FRY: variants seen among roughly 807,000 people sequenced by gnomAD.
FRY encodes the protein FRY microtubule binding protein, also known as protein furry homolog.
FRY carries 128 observed loss-of-function variants against 348.4 expected under a neutral mutation model. The ratio of observed to expected loss-of-function variants is 0.37; its 90% confidence interval spans 0.32 to 0.43. FRY has a LOEUF of 0.43. Ranked by LOEUF, FRY falls within the 20% of genes least tolerant of loss-of-function variation. The pLI, the probability that FRY is intolerant of heterozygous loss-of-function variation, is 1.00. For synonymous variants in FRY, 1,370 were observed against 1,374.7 expected (o/e 1.00, Z 0.08); for missense variants, 2,736 against 3,695.2 (o/e 0.74, Z 6.73).
chr13:32,092,474 GC>G (rs1430156362), intron 2 of FRY, among the ~76,000 whole-genome samples: 5 of 152,170 alleles, frequency 3.3e-5, no homozygotes, highest in Non-Finnish European at 2.9e-5. Flanking sequence ...AAGGTAGAGG[GC>G]GATGGCTTTC....
At chr13:32,206,779 TAGG>T (rs1884377002) in intron 31 of FRY, among the ~76,000 whole-genome samples, 2 of 152,182 alleles carry the variant, frequency 1.3e-5, no homozygotes, top group African/African-American at 4.8e-5. Context: ...ACAGAAAAAT[TAGG>T]AGGTTATAAT....
chr13:32,091,753 T>G (rs1319712491), intron 2 of FRY, among the ~76,000 whole-genome samples: 1 of 152,196 alleles, frequency 6.6e-6, no homozygotes, highest in Non-Finnish European at 1.5e-5. Flanking sequence ...AGACCAGACA[T>G]TTATATTATA....
chr13:32,173,436 G>T lies in FRY; in HGVS notation c.2221G>T (p.Val741Leu). ...TCCCCACTGCAGTGTACTCCACGCT[G>T]TAGAAGGTTTTGCTCTGGTTTTACT... ...RGPHCSVLHA[V>L]EGFALVLLCS... Residue 741 changes from valine (V) to leucine (L), a missense_variant, in exon 19 of 61, where the codon GTA becomes TTA. Physicochemically the swap from Val to Leu is conservative, Grantham distance 32. Transcript: ENST00000542859. 6.2e-7 allele frequency: 1 copy of T among 1,612,822 alleles called. No individual in the cohort carries two copies. Among genetic ancestry groups the T allele is most frequent in the South Asian group, 1.1e-5 (1 of 91,026 alleles).
intron 29 of FRY, among the ~76,000 whole-genome samples, chr13:32,199,745 G>A (rs1440007533): frequency 6.6e-6 from 1 of 152,196 alleles, no homozygotes; most frequent in Non-Finnish European, 1.5e-5. Flanking sequence ...ATTAATATTT[G>A]AGTAATGTTA....
rs181233860 is a variant in FRY at position 32,076,514 on chromosome 13, A to T, written c.71-2320A>T. Among the ~76,000 whole-genome samples the T allele has an allele frequency of 2.4e-3, 366 of 152,206 alleles. 2 individuals are homozygous for T. Among genetic ancestry groups the T allele is most frequent in the Non-Finnish European group, 2.6e-3 (176 of 67,994 alleles). On this transcript the variant is annotated intron_variant, in intron 1 of 60. Transcript: ENST00000542859. ...GCCAGGACCTCATTTTCATCACTTG[A>T]TTTTCAATATGCCCCTTTGGAATAA... is the stretch of plus-strand genomic sequence containing the variant.
At chr13:32,076,839 C>G (rs550805262) in intron 1 of FRY, among the ~76,000 whole-genome samples, 1 of 151,992 alleles carries the variant, frequency 6.6e-6, no homozygotes, top group Non-Finnish European at 1.5e-5. Flanking sequence ...ATTACAGGGC[C>G]GACCCTAGAC....
intron 1 of FRY, among the ~76,000 whole-genome samples, chr13:32,039,485 C>G (rs973092153): frequency 3.5e-5 from 3 of 86,046 alleles, no homozygotes; most frequent in African/African-American, 9.3e-5. Context: ...CTCTGTCTCT[C>G]TCCCACCTCC....
chr13:32,202,169 A>T (rs2762035), intron 30 of FRY, 129 bp downstream of exon 30: 5 of 807,434 alleles, frequency 6.2e-6, no homozygotes, highest in Non-Finnish European at 1.1e-5. Flanking sequence ...GTGGCTATGA[A>T]GAGTGAGAAA....
At chr13:32,063,138 A>T (rs1327518466) in intron 1 of FRY, among the ~76,000 whole-genome samples, 1 of 152,140 alleles carries the variant, frequency 6.6e-6, no homozygotes, top group East Asian at 1.9e-4. Context: ...GAACAGCTAT[A>T]ACTTTAATTT....
chr13:32,076,538 A>G (rs1474196077), intron 1 of FRY, among the ~76,000 whole-genome samples: 1 of 152,202 alleles, frequency 6.6e-6, no homozygotes, highest in Non-Finnish European at 1.5e-5. Flanking sequence ...CCTTTGGAAT[A>G]AATAGTGCCT....
chr13:32,171,357 G>A, intron 18 of FRY, 87 bp downstream of exon 18: 2 of 1,213,376 alleles, frequency 1.6e-6, no homozygotes, highest in Non-Finnish European at 2.2e-6. Flanking sequence ...TGTTGCCCAG[G>A]CTGGAGTGCA....
At chr13:32,210,034 A>G (rs535949861) in intron 33 of FRY, among the ~76,000 whole-genome samples, 1 of 152,306 alleles carries the variant, frequency 6.6e-6, no homozygotes, top group South Asian at 2.1e-4. Flanking sequence ...TAAACATTGG[A>G]CCTACTATGT....
chr13:32,076,911 G>A (rs1875107348), intron 1 of FRY, among the ~76,000 whole-genome samples: 1 of 152,122 alleles, frequency 6.6e-6, no homozygotes. Context: ...GCCTTTCATA[G>A]GTAATGTAGG....
intron 3 of FRY, among the ~76,000 whole-genome samples, chr13:32,110,177 T>C (rs2138666558): frequency 6.6e-6 from 1 of 152,312 alleles, no homozygotes; most frequent in East Asian, 1.9e-4. Context: ...AGCTAAGTTA[T>C]AGTGGCTGAT....
chr13:32,179,133 G>A (rs551605974), intron 22 of FRY, 100 bp downstream of exon 22: 445 of 836,914 alleles, frequency 5.3e-4, no homozygotes, highest in Non-Finnish European at 5.8e-4. Context: ...GCCATCTGGA[G>A]TATTATGGGA....
chr13:32,223,768 G>A (rs183733486), intron 36 of FRY, among the ~76,000 whole-genome samples: 14 of 152,056 alleles, frequency 9.2e-5, no homozygotes, highest in Admixed American at 3.3e-4. Flanking sequence ...TCACTCTGTC[G>A]CCCAGACTGG....
chr13:32,128,267 T>G (rs879278191), intron 7 of FRY, among the ~76,000 whole-genome samples: 2 of 152,174 alleles, frequency 1.3e-5, no homozygotes, highest in Admixed American at 1.3e-4. Flanking sequence ...GAATAGCCCC[T>G]TCATTCTCTG....
intron 4 of FRY, 65 bp from the exon 5 acceptor site, chr13:32,124,221 T>A (rs923941916): frequency 8.1e-6 from 8 of 992,194 alleles, no homozygotes; most frequent in Non-Finnish European, 1.3e-5. Flanking sequence ...CTAGATTTTT[T>A]ATGAATTGTA....
At chr13:32,272,816 A>G (rs1289179802) in intron 55 of FRY, among the ~76,000 whole-genome samples, 1 of 151,004 alleles carries the variant, frequency 6.6e-6, no homozygotes, top group Non-Finnish European at 1.5e-5. Flanking sequence ...GCTCACTGCA[A>G]CCTCCACCTC....
Sources: gnomAD v4.1 joint callset for allele counts (sites outside exome capture counted in the v4.1 genomes callset) on GRCh38, gnomAD v4.1.1 for gene constraint, MANE v1.5 for transcripts, NCBI Gene and HGNC (gene_info 2026-07-23, HGNC 2026-07-21) for gene names.